The following TGM6 variants were observed in gnomAD, a reference collection of about 807,000 sequenced individuals.
TGM6 encodes the protein transglutaminase 6, also known as protein-glutamine gamma-glutamyltransferase 6.
In TGM6, 74 loss-of-function variants were observed where a neutral mutation model predicts 77.5. The observed-to-expected ratio is 0.96, with a 90% CI of 0.79 to 1.16. The LOEUF (loss-of-function observed/expected upper bound fraction) is 1.16, where lower values mean the gene tolerates loss of function less well. Ranked by LOEUF, TGM6 falls within the 50% of genes most tolerant of loss-of-function variation. The pLI, the probability that TGM6 is intolerant of heterozygous loss-of-function variation, is 0.00. For missense variants in TGM6, 968 were observed against 940.2 expected, an observed-to-expected ratio of 1.03 and a Z score of -0.39; for synonymous variants, 383 against 378.9, an observed-to-expected ratio of 1.01 and a Z score of -0.12.
chr20:2,399,746 G>T lies in TGM6; in HGVS notation c.850+8G>T. The T allele has an allele frequency of 6.2e-7, 1 of 1,612,372 alleles. No homozygotes were observed. Among genetic ancestry groups the T allele is most frequent in the Non-Finnish European group, 8.5e-7 (1 of 1,179,058 alleles). The stretch of plus-strand genomic sequence containing the variant: ...CCGGAGTCCTGTGCACAGGTACCCT[G>T]GGAGAGAAGGGCCCCAGGGTACCTG... On this transcript the variant is annotated splice_region_variant and intron_variant, in intron 6 of 12. Coordinates refer to ENST00000202625, the MANE Select transcript of TGM6 (RefSeq NM_198994.3).
intron 1 of TGM6, among the ~76,000 whole-genome samples, chr20:2,384,494 A>G (rs2084580723): frequency 6.6e-6 from 1 of 152,008 alleles, no homozygotes; most frequent in African/African-American, 2.4e-5. Context: ...TGATGATACC[A>G]CTCACATTTC....
At chr20:2,395,653 G>T (rs1002952996) in intron 3 of TGM6, among the ~76,000 whole-genome samples, 14 of 152,292 alleles carry the variant, frequency 9.2e-5, no homozygotes, top group Admixed American at 4.6e-4. Flanking sequence ...GGCAAGAGAG[G>T]CCCAGGGGTG....
At chr20:2,385,053 G>A (rs527553150) in intron 1 of TGM6, among the ~76,000 whole-genome samples, 18 of 152,330 alleles carry the variant, frequency 1.2e-4, no homozygotes, top group African/African-American at 4.3e-4. Flanking sequence ...GGCAGTGGGT[G>A]AGCTACCTCT....
At chr20:2,417,836 AT>A (rs2084829527) in intron 10 of TGM6, among the ~76,000 whole-genome samples, 3 of 152,098 alleles carry the variant, frequency 2.0e-5, no homozygotes, top group Admixed American at 1.3e-4. Flanking sequence ...TATAGTTTCT[AT>A]TTTTTTAATT....
intron 4 of TGM6, 90 bp downstream of exon 4, chr20:2,396,714 A>C: frequency 2.0e-5 from 24 of 1,190,328 alleles, no homozygotes; most frequent in Non-Finnish European, 2.7e-5. Flanking sequence ...CACTCTTCTC[A>C]GGAGGGACAA....
chr20:2,417,753 C>T (rs904306351), intron 10 of TGM6, among the ~76,000 whole-genome samples, 180 bp downstream of exon 10: 10 of 152,128 alleles, frequency 6.6e-5, no homozygotes, highest in African/African-American at 2.2e-4. Flanking sequence ...AACTGAGACT[C>T]GGAGGGGCAA....
intron 9 of TGM6, among the ~76,000 whole-genome samples, chr20:2,416,371 G>T (rs1226396807): frequency 6.6e-6 from 1 of 152,174 alleles, no homozygotes; most frequent in East Asian, 1.9e-4. Flanking sequence ...ATGTTCAATT[G>T]ATTTCTACAT....
rs765812436 is a variant in TGM6, at chr20:2,417,274, G to A, written c.1379G>A (p.Arg460Lys). The A allele has an allele frequency of 1.1e-5, 18 of 1,610,308 alleles. No individual in the cohort carries two copies. In the East Asian group the frequency reaches 3.6e-4, roughly 32 times the overall value. The change falls in exon 10 of 13, where the codon AGG becomes AAG. Residue 460 changes from arginine (R) to lysine (K), a missense_variant. By Grantham distance (26) the Arg-to-Lys change is conservative (BLOSUM62 2). Transcript: ENST00000202625. Reference protein sequence around the residue: ...ERQVYSKAVNRLFGVEASGRR... With the variant: ...ERQVYSKAVNKLFGVEASGRR... Reference sequence around the variant, plus strand: ...CAGGTGTACAGCAAGGCGGTGAACAGGCTGTTCGGCGTGGAAGCCTCTGGA... The same window carrying A: ...CAGGTGTACAGCAAGGCGGTGAACAAGCTGTTCGGCGTGGAAGCCTCTGGA...
intron 10 of TGM6, among the ~76,000 whole-genome samples, chr20:2,420,389 C>G (rs1403206815): frequency 6.6e-6 from 1 of 152,144 alleles, no homozygotes; most frequent in Non-Finnish European, 1.5e-5. Flanking sequence ...TCCCATACCC[C>G]TGTCCACCAC....
At chr20:2,396,664 G>A in intron 4 of TGM6, 40 bp downstream of exon 4, 4 of 1,595,818 alleles carry the variant, frequency 2.5e-6, no homozygotes, top group Non-Finnish European at 3.4e-6. Flanking sequence ...GTGGGCTGGG[G>A]CATGGGGAGG....
At chr20:2,424,051 G>A (rs1268326886) in intron 10 of TGM6, among the ~76,000 whole-genome samples, 1 of 152,104 alleles carries the variant, frequency 6.6e-6, no homozygotes, top group African/African-American at 2.4e-5. Flanking sequence ...TCCTGGCTTC[G>A]TTGTTCCTTT....
At chr20:2,386,309 A>G (rs2084595556) in intron 1 of TGM6, among the ~76,000 whole-genome samples, 1 of 152,122 alleles carries the variant, frequency 6.6e-6, no homozygotes, top group African/African-American at 2.4e-5. Context: ...AGATCACCAA[A>G]GCAGCAGCTC....
chr20:2,430,661 G>T, intron 11 of TGM6, 61 bp downstream of exon 11: 1 of 1,610,854 alleles, frequency 6.2e-7, no homozygotes, highest in Non-Finnish European at 8.5e-7. Flanking sequence ...AGAGCTGGGG[G>T]AGGGCGTCAG....
chr20:2,386,149 C>A (rs2084593954), intron 1 of TGM6, among the ~76,000 whole-genome samples: 1 of 152,146 alleles, frequency 6.6e-6, no homozygotes. Context: ...GTCTCACTGT[C>A]CCCATGAGGA....
chr20:2,403,485 C>G lies in TGM6; in HGVS notation c.1078C>G (p.Gln360Glu), dbSNP rs1281510682. 2 of 1,614,040 alleles carry G rather than the reference C, an allele frequency of 1.2e-6. No individual in the cohort carries two copies. Among genetic ancestry groups the G allele is most frequent in the Non-Finnish European group, 1.7e-6 (2 of 1,180,028 alleles). Reference sequence around the variant, plus strand: ...CTGGCAGGTTCTGGATGCCACCCCCCAGGAGGAGAGTGAAGGTACGCTCAA... The same window carrying G: ...CTGGCAGGTTCTGGATGCCACCCCCGAGGAGGAGAGTGAAGGTACGCTCAA... Reference protein sequence around the residue: ...NGWQVLDATPQEESEGVFRCG... With the variant: ...NGWQVLDATPEEESEGVFRCG... The change falls in exon 8 of 13, where the codon CAG becomes GAG. Residue 360 changes from glutamine (Q) to glutamate (E), a missense_variant. Gln to Glu is a conservative substitution (Grantham distance 29). Coordinates refer to ENST00000202625, the MANE Select transcript of TGM6 (RefSeq NM_198994.3).
intron 10 of TGM6, among the ~76,000 whole-genome samples, chr20:2,427,885 A>G (rs900267061): frequency 6.6e-6 from 1 of 152,180 alleles, no homozygotes; most frequent in Non-Finnish European, 1.5e-5. Flanking sequence ...CCTCCCAAGT[A>G]GCTGAGACTA....
chr20:2,386,082 A>G (rs2084593386), intron 1 of TGM6, among the ~76,000 whole-genome samples: 1 of 152,160 alleles, frequency 6.6e-6, no homozygotes, highest in Non-Finnish European at 1.5e-5. Context: ...CCAAGTGCAC[A>G]TCTATCTCCT....
chr20:2,420,625 A>T (rs1390548852), intron 10 of TGM6, among the ~76,000 whole-genome samples: 1 of 152,296 alleles, frequency 6.6e-6, no homozygotes, highest in East Asian at 1.9e-4. Flanking sequence ...TGTTCCAGCT[A>T]TGTGCTCCAC....
At chr20:2,386,863 G>C (rs2084600018) in intron 1 of TGM6, among the ~76,000 whole-genome samples, 1 of 152,172 alleles carries the variant, frequency 6.6e-6, no homozygotes, top group Non-Finnish European at 1.5e-5. Flanking sequence ...CCAGGGTCCA[G>C]CAGCCCTCAT....
Sources: gnomAD v4.1 joint callset for allele counts (sites outside exome capture counted in the v4.1 genomes callset) on GRCh38, gnomAD v4.1.1 for gene constraint, MANE v1.5 for transcripts, NCBI Gene and HGNC (gene_info 2026-07-23, HGNC 2026-07-21) for gene names.